The following DDX10 variants were observed in gnomAD, a reference collection of about 807,000 sequenced individuals.
DDX10 encodes DEAD-box helicase 10, also known as probable ATP-dependent RNA helicase DDX10.
A neutral mutation model predicts 104.3 loss-of-function variants in DDX10; 74 were observed. The ratio of observed to expected loss-of-function variants is 0.71; its 90% CI spans 0.59 to 0.86. DDX10 has a LOEUF of 0.86. DDX10 is among the 40% of genes least tolerant of loss of function. The pLI is 0.00. For synonymous variants in DDX10, 351 were observed against 353.4 expected (o/e 0.99, Z 0.08); for missense variants, 952 against 1,040.0 (o/e 0.92, Z 1.16).
chr11:108,864,406 TATAGAATAAACTTTATATATATAGAATAG>T (rs1862980195), intron 16 of DDX10, among the ~76,000 whole-genome samples: 4 of 151,592 alleles, frequency 2.6e-5, no homozygotes, highest in Middle Eastern at 3.5e-3. Context: ...TATATCCATA[TATAGAATAAACTTTATATATATAGAATAG>T]ATAGAATAAA....
intron 16 of DDX10, among the ~76,000 whole-genome samples, chr11:108,864,375 C>A (rs1862979535): frequency 6.6e-6 from 1 of 151,682 alleles, no homozygotes; most frequent in Non-Finnish European, 1.5e-5. Context: ...ACTACTACTG[C>A]CCCATTAAGA....
chr11:108,748,087 A>G (rs1330805660), intron 13 of DDX10, among the ~76,000 whole-genome samples: 1 of 152,124 alleles, frequency 6.6e-6, no homozygotes, highest in Non-Finnish European at 1.5e-5. Context: ...AACTAAGCAG[A>G]TTTTAGAAGG....
At chr11:108,710,450 C>CT (rs777107714) in intron 10 of DDX10, among the ~76,000 whole-genome samples, 3,148 of 145,982 alleles carry the variant, frequency 0.022, 40 homozygotes, top group Non-Finnish European at 0.028. Context: ...TCCCTTAAAA[C>CT]TTTTTTTTTT....
chr11:108,809,532 G>A (rs1233072219), intron 13 of DDX10, among the ~76,000 whole-genome samples: 4 of 152,202 alleles, frequency 2.6e-5, no homozygotes, highest in Non-Finnish European at 5.9e-5. Flanking sequence ...TTAAAGGATA[G>A]GAGTGAATAC....
rs781760229 is a variant in DDX10 at position 108,665,183 on chromosome 11, G to C, written c.30G>C (p.Ser10=). 41 of 1,611,450 alleles carry C rather than the reference G, an allele frequency of 2.5e-5. No homozygotes were observed. Among genetic ancestry groups the C allele is most frequent in the Non-Finnish European group, 3.4e-5 (40 of 1,179,128 alleles). ...GCAAAACGGCCAACTCTCCGGGTTC[G>C]GGAGCCCGACCCGACCCGGTGCGGA... MGKTANSPG[S]GARPDPVRSF... Residue 10 remains serine, a synonymous_variant, in exon 1 of 18, where the codon TCG becomes TCC. Transcript: ENST00000322536.
At chr11:108,919,734 CATT>C (rs2134665586) in intron 17 of DDX10, 1 of 152,298 alleles carries the variant, frequency 6.6e-6, no homozygotes, top group African/African-American at 2.4e-5. Flanking sequence ...AGTCCTTCTG[CATT>C]TGATTTATAT....
chr11:108,790,055 A>C (rs762493343), intron 13 of DDX10, among the ~76,000 whole-genome samples: 5 of 152,188 alleles, frequency 3.3e-5, no homozygotes, highest in Admixed American at 6.5e-5. Flanking sequence ...TACATCAATT[A>C]AGAGCCACTC....
At chr11:108,803,234 A>C (rs1475257637) in intron 13 of DDX10, among the ~76,000 whole-genome samples, 1 of 151,796 alleles carries the variant, frequency 6.6e-6, no homozygotes, top group Non-Finnish European at 1.5e-5. Context: ...ATTTCCACCC[A>C]GGTGAATAAT....
At chr11:108,785,108 T>C (rs1354565192) in intron 13 of DDX10, among the ~76,000 whole-genome samples, 1 of 152,230 alleles carries the variant, frequency 6.6e-6, no homozygotes, top group Non-Finnish European at 1.5e-5. Context: ...CAGTATTGTT[T>C]GAAGTTGGGT....
At chr11:108,826,052 G>C (rs959364983) in intron 13 of DDX10, among the ~76,000 whole-genome samples, 1 of 152,186 alleles carries the variant, frequency 6.6e-6, no homozygotes, top group Non-Finnish European at 1.5e-5. Flanking sequence ...ATTCTTATCA[G>C]AAGAGAATTA....
chr11:108,800,322 G>A (rs1017831712), intron 13 of DDX10, among the ~76,000 whole-genome samples: 2 of 148,502 alleles, frequency 1.3e-5, no homozygotes, highest in Non-Finnish European at 3.0e-5. Context: ...GCGGGTGCCT[G>A]TAGTCCCAGC....
rs556145734 is a variant in DDX10, at chr11:108,817,826, C to T, written c.1966-20620C>T. Among the ~76,000 whole-genome samples the T allele has an allele frequency of 3.9e-5, 6 of 152,262 alleles. No individual in the cohort carries two copies. In the South Asian group the frequency reaches 1.0e-3, roughly 26 times the overall value. On this transcript the variant is annotated intron_variant, in intron 13 of 17. Coordinates refer to ENST00000322536, the MANE Select transcript of DDX10 (RefSeq NM_004398.4). ...AATGACTGATGGGAAACTTAATATG[C>T]GGCTCATACAAGGTTTTACATAGTT... is the stretch of plus-strand genomic sequence containing the variant.
chr11:108,841,596 CTTT>C, intron 15 of DDX10, 120 bp downstream of exon 15: 1 of 940,716 alleles, frequency 1.1e-6, no homozygotes, highest in South Asian at 2.0e-5. Flanking sequence ...TCTGACACTT[CTTT>C]TTCTGTGGCT....
intron 13 of DDX10, among the ~76,000 whole-genome samples, chr11:108,765,459 T>G (rs2094355369): frequency 6.6e-6 from 1 of 152,216 alleles, no homozygotes; most frequent in African/African-American, 2.4e-5. Context: ...AAGAGACTAT[T>G]AGTTTTAAGG....
intron 13 of DDX10, among the ~76,000 whole-genome samples, chr11:108,803,281 C>T (rs961483611): frequency 1.4e-5 from 2 of 146,530 alleles, no homozygotes; most frequent in Non-Finnish European, 3.0e-5. Flanking sequence ...TTTTAAAGAA[C>T]CTTGGAACCT....
At chr11:108,720,601 C>T (rs4753846) in intron 12 of DDX10, among the ~76,000 whole-genome samples, 4 of 151,560 alleles carry the variant, frequency 2.6e-5, no homozygotes, top group Admixed American at 1.3e-4. Flanking sequence ...GGATTTTTTG[C>T]GGGGGAGGAG....
intron 16 of DDX10, among the ~76,000 whole-genome samples, chr11:108,853,584 C>A (rs1862824831): frequency 1.3e-5 from 2 of 151,694 alleles, no homozygotes; most frequent in Non-Finnish European, 1.5e-5. Context: ...TTGCTATCAC[C>A]CTTGAGCTAT....
At chr11:108,685,776 T>G (rs2094243083) in intron 6 of DDX10, among the ~76,000 whole-genome samples, 1 of 152,206 alleles carries the variant, frequency 6.6e-6, no homozygotes, top group Non-Finnish European at 1.5e-5. Context: ...TGCCAAACAT[T>G]CATTCCTAAA....
At chr11:108,716,477 G>A (rs1199837921) in intron 11 of DDX10, among the ~76,000 whole-genome samples, 6 of 152,106 alleles carry the variant, frequency 3.9e-5, no homozygotes, top group African/African-American at 1.4e-4. Context: ...TTTTTTCAAA[G>A]ACATATGGAA....
Sources: gnomAD v4.1 joint callset for allele counts (sites outside exome capture counted in the v4.1 genomes callset) on GRCh38, gnomAD v4.1.1 for gene constraint, MANE v1.5 for transcripts, NCBI Gene and HGNC (gene_info 2026-07-23, HGNC 2026-07-21) for gene names.